The following PDZD2 variants were observed in gnomAD, a reference collection of about 807,000 sequenced individuals.
PDZD2 encodes the protein PDZ domain-containing protein 2.
PDZD2 carries 90 observed loss-of-function variants against 220.7 expected under a neutral mutation model. The ratio of observed to expected loss-of-function variants is 0.41; its 90% CI spans 0.34 to 0.49. The LOEUF (loss-of-function observed/expected upper bound fraction) is 0.49, where lower values mean the gene tolerates loss of function less well. Ranked by LOEUF, PDZD2 falls within the 20% of genes least tolerant of loss-of-function variation. PDZD2 has a pLI of 0.28. For missense variants in PDZD2, 3,174 were observed against 3,608.5 expected, an observed-to-expected ratio of 0.88 and a Z score of 3.08; for synonymous variants, 1,375 against 1,450.5, an observed-to-expected ratio of 0.95 and a Z score of 1.18.
intron 1 of PDZD2, among the ~76,000 whole-genome samples, chr5:31,779,496 C>T (rs1752933213): frequency 6.6e-6 from 1 of 150,412 alleles, no homozygotes; most frequent in African/African-American, 2.5e-5. Flanking sequence ...GCCTCAGCCT[C>T]CCGAGTAGCT....
chr5:31,824,944 G>A (rs1756124242), intron 2 of PDZD2, among the ~76,000 whole-genome samples: 1 of 152,156 alleles, frequency 6.6e-6, no homozygotes, highest in Non-Finnish European at 1.5e-5. Context: ...ATTAATACTA[G>A]CTCCGTGTTT....
intron 2 of PDZD2, among the ~76,000 whole-genome samples, chr5:31,814,907 T>C (rs1755337327): frequency 6.6e-6 from 1 of 152,046 alleles, no homozygotes; most frequent in African/African-American, 2.4e-5. Context: ...GCCAAAGTTC[T>C]TCCTATGTAG....
At chr5:31,774,276 G>A (rs1752505251) in intron 1 of PDZD2, among the ~76,000 whole-genome samples, 1 of 151,952 alleles carries the variant, frequency 6.6e-6, no homozygotes, top group African/African-American at 2.4e-5. Context: ...TGGGAGGCCA[G>A]GGCAGGAGTA....
rs1423585011 is a variant in PDZD2 at position 31,722,751 on chromosome 5, G to A, written c.-360-76138G>A. On this transcript the variant is annotated intron_variant, in intron 1 of 24. Transcript: ENST00000438447. ...GTTGCCCAGGCTGGAATGCTGTGGC[G>A]CAATCTCAGCTCACTGCAACCTCTG... Among the ~76,000 whole-genome samples, 3 of 151,444 alleles carry A rather than the reference G, an allele frequency of 2.0e-5. No homozygotes were observed. In the South Asian group the frequency reaches 6.2e-4, roughly 32 times the overall value.
chr5:31,749,086 T>TGG (rs33985236), intron 1 of PDZD2, among the ~76,000 whole-genome samples: 4 of 150,898 alleles, frequency 2.7e-5, no homozygotes, highest in African/African-American at 9.7e-5. Flanking sequence ...CTCTATTTCA[T>TGG]GGGGGGGGGC....
At chr5:32,096,598 C>T in intron 21 of PDZD2, among the ~76,000 whole-genome samples, 1 of 152,172 alleles carries the variant, frequency 6.6e-6, no homozygotes, top group Non-Finnish European at 1.5e-5. Flanking sequence ...GGATTACAGG[C>T]GTGAGCCACT....
chr5:31,651,460 A>G (rs1046133481), intron 1 of PDZD2, among the ~76,000 whole-genome samples: 4 of 152,170 alleles, frequency 2.6e-5, no homozygotes, highest in Non-Finnish European at 4.4e-5. Flanking sequence ...GCTAACATGC[A>G]GGTGGGTAGT....
chr5:31,678,461 C>T (rs898267801), intron 1 of PDZD2, among the ~76,000 whole-genome samples: 2 of 151,712 alleles, frequency 1.3e-5, no homozygotes, highest in Non-Finnish European at 2.9e-5. Context: ...TGGTGGGGGA[C>T]GTCTGGAGCC....
chr5:31,961,077 A>T (rs1748178416), intron 2 of PDZD2, among the ~76,000 whole-genome samples: 1 of 152,176 alleles, frequency 6.6e-6, no homozygotes, highest in East Asian at 1.9e-4. Context: ...ACCCCCTTCT[A>T]GGTCTGCTAT....
chr5:31,742,300 A>G (rs1188710387), intron 1 of PDZD2: 1 of 152,080 alleles, frequency 6.6e-6, no homozygotes, highest in Non-Finnish European at 1.5e-5. Context: ...GCTGAGCTTG[A>G]TGTGGATGGT....
At chr5:31,930,450 C>T (rs957551086) in intron 2 of PDZD2, among the ~76,000 whole-genome samples, 4 of 151,962 alleles carry the variant, frequency 2.6e-5, no homozygotes, top group South Asian at 2.1e-4. Flanking sequence ...CCGCCCGCCT[C>T]GGCCTCCCAA....
At chr5:32,024,037 A>T (rs937648189) in intron 6 of PDZD2, among the ~76,000 whole-genome samples, 1 of 152,212 alleles carries the variant, frequency 6.6e-6, no homozygotes, top group Non-Finnish European at 1.5e-5. Context: ...GATCAGATCA[A>T]CTATTGTGGT....
chr5:32,043,559 C>G (rs902859662), intron 7 of PDZD2, among the ~76,000 whole-genome samples: 1 of 152,254 alleles, frequency 6.6e-6, no homozygotes, highest in Non-Finnish European at 1.5e-5. Flanking sequence ...GGCACTACCA[C>G]TCCATGGTGT....
At chr5:31,661,417 CAGGG>C (rs1354581300) in intron 1 of PDZD2, 1 of 152,166 alleles carries the variant, frequency 6.6e-6, no homozygotes, top group Non-Finnish European at 1.5e-5. Flanking sequence ...CGCATCAAAA[CAGGG>C]AGGAATCAGC....
At chr5:31,892,365 G>C (rs6882513) in intron 2 of PDZD2, among the ~76,000 whole-genome samples, 34,219 of 152,192 alleles carry the variant, frequency 0.22, 5,289 homozygotes, top group African/African-American at 0.44. Flanking sequence ...AGAGCAAGAT[G>C]TATTTACTGT....
chr5:32,044,909 G>C (rs1216768127), intron 7 of PDZD2, among the ~76,000 whole-genome samples: 1 of 152,176 alleles, frequency 6.6e-6, no homozygotes, highest in Non-Finnish European at 1.5e-5. Context: ...ATTGGGCTTT[G>C]ATTCAGTGCT....
At chr5:32,046,748 A>T (rs909208405) in intron 7 of PDZD2, among the ~76,000 whole-genome samples, 8 of 152,166 alleles carry the variant, frequency 5.3e-5, no homozygotes, top group Non-Finnish European at 1.2e-4. Context: ...TACATTAAAA[A>T]TTTGAAAAAA....
At chr5:32,101,812 T>C (rs1232727151) in intron 24 of PDZD2, among the ~76,000 whole-genome samples, 4 of 152,254 alleles carry the variant, frequency 2.6e-5, no homozygotes, top group African/African-American at 7.2e-5. Flanking sequence ...GCATAATTCA[T>C]TTTTTGGTCT....
Position 32,058,009 on chromosome 5 carries a change from A to G in PDZD2, c.2106A>G (p.Ser702=), listed in dbSNP as rs151861. 0.93 allele frequency: 1,498,941 copies of G among 1,612,772 alleles called. 697,823 individuals are homozygous for G. The highest frequency in any genetic ancestry group is 0.97 in the Middle Eastern group (5,904 of 6,060). Residue 702 remains serine, a synonymous_variant, in exon 12 of 25, where the codon TCA becomes TCG. Coordinates refer to ENST00000438447, the MANE Select transcript of PDZD2 (RefSeq NM_178140.4). ...ACTTCAATACCAGTGGGGGAGCCTC[A>G]GCGGGAGGTTCCGATGAAGGCAGTT... ...SPNFNTSGGA[S]AGGSDEGSSS...
Sources: gnomAD v4.1 joint callset for allele counts (sites outside exome capture counted in the v4.1 genomes callset) on GRCh38, gnomAD v4.1.1 for gene constraint, MANE v1.5 for transcripts, NCBI Gene and HGNC (gene_info 2026-07-23, HGNC 2026-07-21) for gene names.